The following PCCB variants were observed in gnomAD, a reference collection of about 807,000 sequenced individuals.
The protein encoded by PCCB is propionyl-CoA carboxylase subunit beta, also known as propionyl-CoA carboxylase beta chain, mitochondrial.
Under a neutral mutation model 60.7 loss-of-function variants are expected in PCCB, and 43 were observed. That is an observed-to-expected ratio of 0.71 (90% CI 0.55 to 0.91). The LOEUF is 0.91. Ranked by LOEUF, PCCB falls within the 40% of genes least tolerant of loss-of-function variation. PCCB has a pLI of 0.00. For synonymous variants in PCCB, 276 were observed against 255.9 expected, an observed-to-expected ratio of 1.08 and a Z score of -0.75; for missense variants, 766 against 702.8, an observed-to-expected ratio of 1.09 and a Z score of -1.02.
At chr3:136,320,094 T>C (rs1935058475) in intron 10 of PCCB, among the ~76,000 whole-genome samples, 1 of 152,246 alleles carries the variant, frequency 6.6e-6, no homozygotes. Flanking sequence ...ACTGTTTTGA[T>C]TACTGTAGCT....
At chr3:136,297,841 T>C in intron 7 of PCCB, 111 bp from the exon 8 acceptor site, 1 of 1,180,528 alleles carries the variant, frequency 8.5e-7, no homozygotes, top group Non-Finnish European at 1.3e-6. Flanking sequence ...AACAGAGCTA[T>C]CAGCACGGTC....
chr3:136,307,014 A>G (rs1934469790), intron 9 of PCCB, among the ~76,000 whole-genome samples: 1 of 123,004 alleles, frequency 8.1e-6, no homozygotes, highest in Non-Finnish European at 1.8e-5. Context: ...TACAAGGGCA[A>G]GAGAATAAAA....
chr3:136,318,760 G>A (rs967706355), intron 10 of PCCB, among the ~76,000 whole-genome samples: 6 of 151,738 alleles, frequency 4.0e-5, no homozygotes, highest in African/African-American at 1.5e-4. Context: ...TATTTTTATG[G>A]CTGAATAATA....
At chr3:136,325,602 C>T (rs2108236315) in intron 10 of PCCB, among the ~76,000 whole-genome samples, 1 of 152,200 alleles carries the variant, frequency 6.6e-6, no homozygotes, top group Non-Finnish European at 1.5e-5. Flanking sequence ...AAGTGGTCTG[C>T]CTGCCCGACC....
In PCCB at chr3:136,283,921, C is replaced by G; in HGVS notation, c.628C>G (p.Leu210Val). Residue 210 changes from leucine (L) to valine (V), a missense_variant, in exon 6 of 15, where the codon CTA becomes GTA. By Grantham distance (32) the Leu-to-Val change is conservative (BLOSUM62 1). Coordinates refer to ENST00000251654, the MANE Select transcript of PCCB (RefSeq NM_000532.5). ...TGGTGGGGCCGTCTACTCCCCAGCC[C>G]TAACAGACTTCACGTTCATGGTAAA... ...CAGGAVYSPALTDFTFMVKDT... is the reference protein window; with the variant it reads ...CAGGAVYSPAVTDFTFMVKDT... 1 of 1,612,494 alleles carries G rather than the reference C, an allele frequency of 6.2e-7. No individual in the cohort carries two copies. Among genetic ancestry groups the G allele is most frequent in the Non-Finnish European group, 8.5e-7 (1 of 1,178,614 alleles).
intron 2 of PCCB, 114 bp downstream of exon 2, chr3:136,256,089 G>A (rs1220199932): frequency 1.4e-6 from 2 of 1,442,370 alleles, no homozygotes; most frequent in Admixed American, 1.8e-5. Flanking sequence ...CAGAGGCACT[G>A]CAGACATCAA....
chr3:136,326,700 T>A (rs1935323490), intron 10 of PCCB, 103 bp from the exon 11 acceptor site: 6 of 845,880 alleles, frequency 7.1e-6, no homozygotes, highest in Non-Finnish European at 1.2e-5. Context: ...TGTTGGTGCC[T>A]CCACAGAAAC....
At chr3:136,259,667 C>A (rs1253441302) in intron 3 of PCCB, among the ~76,000 whole-genome samples, 2 of 152,134 alleles carry the variant, frequency 1.3e-5, no homozygotes, top group Non-Finnish European at 2.9e-5. Context: ...CATGAACTTC[C>A]TTTAAGATAT....
chr3:136,276,086 T>C (rs515181), intron 5 of PCCB, among the ~76,000 whole-genome samples: 6 of 152,156 alleles, frequency 3.9e-5, no homozygotes, highest in Non-Finnish European at 7.4e-5. Flanking sequence ...TTAATAGATA[T>C]GTACTTGATG....
chr3:136,319,337 G>A (rs1477464527), intron 10 of PCCB, among the ~76,000 whole-genome samples: 1 of 149,006 alleles, frequency 6.7e-6, no homozygotes, highest in African/African-American at 2.5e-5. Flanking sequence ...ATTTTCTTCT[G>A]TTCTATAGGT....
chr3:136,266,344 G>A (rs2108154193), intron 5 of PCCB, among the ~76,000 whole-genome samples: 1 of 151,856 alleles, frequency 6.6e-6, no homozygotes. Context: ...GGCCAGGCTG[G>A]TCTTGAACTC....
rs1339273613 is a variant in PCCB, at chr3:136,299,654, G to A, written c.885-1376G>A. Among the ~76,000 whole-genome samples the A allele has an allele frequency of 9.7e-5, 12 of 123,772 alleles. No individual in the cohort carries two copies. In the East Asian group the frequency reaches 3.0e-3, roughly 31 times the overall value. The allele number at this position is 123,772 out of a possible 152,430, so 81.2% of individuals were successfully genotyped here. The stretch of plus-strand genomic sequence containing the variant: ...TGCATGTGTATGTATGTATATGCAT[G>A]TGTATGTATAGGTATGCATGTGTAT... On this transcript the variant is annotated intron_variant, in intron 8 of 14. Coordinates refer to ENST00000251654, the MANE Select transcript of PCCB (RefSeq NM_000532.5).
In PCCB at chr3:136,326,672, C is replaced by T. The variant is rs548757010; in HGVS notation, c.1091-131C>T. The T allele has an allele frequency of 4.0e-6, 3 of 757,938 alleles. No individual in the cohort carries two copies. In the African/African-American group the frequency reaches 5.1e-5, roughly 13 times the overall value. The allele number at this position is 757,938 out of a possible 1,614,324, so 47.0% of individuals were successfully genotyped here. On this transcript the variant is annotated intron_variant, in intron 10 of 14. Transcript: ENST00000251654. ...CTGGAGTTTGAGGGGTCCTTGTTAC[C>T]ATTCTGCAACAAAGAAGTGTTGGTG... is the stretch of plus-strand genomic sequence containing the variant.
rs766240417 is a variant in PCCB at position 136,327,633 on chromosome 3, G to A, written c.1300-1G>A. 5.0e-6 allele frequency: 8 copies of A among 1,609,854 alleles called. No homozygotes were observed. On this transcript the variant is annotated splice_acceptor_variant, in intron 12 of 14. Transcript: ENST00000251654. LOFTEE classifies it high-confidence loss of function. ...ACACTCAGCATTTGGATCTGTTTTAGGCCTATGGAGGTGCCTATGATGTCA... is the reference window on the plus strand; with the variant it reads ...ACACTCAGCATTTGGATCTGTTTTAAGCCTATGGAGGTGCCTATGATGTCA...
At chr3:136,319,655 C>A (rs1282752771) in intron 10 of PCCB, among the ~76,000 whole-genome samples, 1 of 152,184 alleles carries the variant, frequency 6.6e-6, no homozygotes, top group Non-Finnish European at 1.5e-5. Flanking sequence ...ACCTTGGCCT[C>A]CCAAAGTGCT....
chr3:136,278,385 G>A (rs1192083089), intron 5 of PCCB, among the ~76,000 whole-genome samples: 3 of 152,014 alleles, frequency 2.0e-5, no homozygotes, highest in East Asian at 1.9e-4. Flanking sequence ...AAGTTCCTGC[G>A]TGGCTTCTTG....
chr3:136,322,351 A>AT (rs1188289960), intron 10 of PCCB, among the ~76,000 whole-genome samples: 1 of 152,194 alleles, frequency 6.6e-6, no homozygotes, highest in Middle Eastern at 3.4e-3. Flanking sequence ...GCATTGTTGG[A>AT]TTTGATCTGC....
intron 3 of PCCB, 71 bp from the exon 4 acceptor site, chr3:136,260,408 C>T: frequency 7.8e-7 from 1 of 1,281,242 alleles, no homozygotes; most frequent in Non-Finnish European, 1.1e-6. Context: ...TTTTCTATTT[C>T]TTCCTCCCAC....
At chr3:136,284,523 A>C (rs1189199845) in intron 6 of PCCB, among the ~76,000 whole-genome samples, 1 of 152,344 alleles carries the variant, frequency 6.6e-6, no homozygotes, top group South Asian at 2.1e-4. Flanking sequence ...CTTTAAAAAA[A>C]TCAGCCTTTT....
Sources: gnomAD v4.1 joint callset for allele counts (sites outside exome capture counted in the v4.1 genomes callset) on GRCh38, gnomAD v4.1.1 for gene constraint, MANE v1.5 for transcripts, NCBI Gene and HGNC (gene_info 2026-07-23, HGNC 2026-07-21) for gene names.